Variants in SCN2A observed in about 807,000 individuals in gnomAD.
SCN2A encodes sodium channel protein type 2 subunit alpha.
In SCN2A, 20 loss-of-function variants were observed where a neutral mutation model predicts 188.7. That is an observed-to-expected ratio of 0.11 (90% CI 0.07 to 0.15). The LOEUF (loss-of-function observed/expected upper bound fraction) is 0.15, where lower values mean the gene tolerates loss of function less well. Among genes scored for constraint, SCN2A ranks in the 10% least tolerant of loss-of-function variants. SCN2A has a pLI of 1.00. For missense variants in SCN2A, 1,278 were observed against 2,445.0 expected, an observed-to-expected ratio of 0.52 and a Z score of 10.07; for synonymous variants, 804 against 833.1, an observed-to-expected ratio of 0.97 and a Z score of 0.60.
chr2:165,291,035 CTTTTTTTTTTTT>C (rs55979694), intron 1 of SCN2A, among the ~76,000 whole-genome samples: 1 of 79,970 alleles, frequency 1.3e-5, no homozygotes, highest in East Asian at 4.5e-4. Context: ...TCTTTTCTTT[CTTTTTTTTTTTT>C]TTTTTTTTTT....
chr2:165,372,590 G>T (rs936775373), intron 20 of SCN2A: 2 of 151,968 alleles, frequency 1.3e-5, no homozygotes, highest in African/African-American at 4.8e-5. Flanking sequence ...TTAGTCAACT[G>T]TATGAATAAC....
At chr2:165,254,227 T>C (rs995611093) in intron 1 of SCN2A, among the ~76,000 whole-genome samples, 1 of 151,762 alleles carries the variant, frequency 6.6e-6, no homozygotes, top group Non-Finnish European at 1.5e-5. Flanking sequence ...TATTCTGTTT[T>C]GGCCCATTAA....
At chr2:165,287,057 G>A (rs1465005544) in intron 1 of SCN2A, among the ~76,000 whole-genome samples, 3 of 152,170 alleles carry the variant, frequency 2.0e-5, no homozygotes, top group Non-Finnish European at 4.4e-5. Flanking sequence ...GTTTAAGGTA[G>A]AGGGAGAGAC....
chr2:165,299,986 A>G (rs1161817442), intron 3 of SCN2A, among the ~76,000 whole-genome samples: 2 of 152,206 alleles, frequency 1.3e-5, no homozygotes, highest in African/African-American at 4.8e-5. Flanking sequence ...TAGCTTTTTT[A>G]AAAATTTATT....
chr2:165,325,749 T>C (rs1039633582), intron 12 of SCN2A, among the ~76,000 whole-genome samples: 1 of 152,160 alleles, frequency 6.6e-6, no homozygotes, highest in African/African-American at 2.4e-5. Flanking sequence ...TTCTTACTAA[T>C]TTTACTTGTT....
intron 1 of SCN2A, among the ~76,000 whole-genome samples, chr2:165,258,187 AT>A (rs2106081177): frequency 6.6e-6 from 1 of 152,122 alleles, no homozygotes; most frequent in South Asian, 2.1e-4. Context: ...CTATTTGTCA[AT>A]TTTTAGTTTT....
intron 25 of SCN2A, among the ~76,000 whole-genome samples, chr2:165,386,189 G>A (rs751667443): frequency 8.6e-5 from 13 of 152,016 alleles, no homozygotes; most frequent in Non-Finnish European, 1.9e-4. Flanking sequence ...TTTGAGGCTG[G>A]GCATGGTGGC....
Position 165,315,626 on chromosome 2 carries a change from G to T in SCN2A, c.1539G>T (p.Gln513His). ...NRRKKKKQKE[Q>H]SGEEEKNDRV... ...GAAAGAAAAAGAAACAGAAAGAACA[G>T]TCTGGAGAAGAAGAGAAAAATGACA... is the stretch of plus-strand genomic sequence containing the variant. Residue 513 changes from glutamine (Q) to histidine (H), a missense_variant, in exon 11 of 27, where the codon CAG becomes CAT. Coordinates refer to ENST00000375437, the MANE Select transcript of SCN2A (RefSeq NM_001040142.2). 6.2e-7 allele frequency: 1 copy of T among 1,614,000 alleles called. No homozygotes were observed. The highest frequency in any genetic ancestry group is 8.5e-7 in the Non-Finnish European group (1 of 1,179,954).
intron 20 of SCN2A, chr2:165,372,986 A>G: frequency 2.6e-6 from 1 of 391,866 alleles, no homozygotes; most frequent in Non-Finnish European, 4.7e-6. Context: ...TCTTTTTTAT[A>G]AGTGTTCGCA....
Position 165,310,362 on chromosome 2 carries a change from A to G in SCN2A, c.737A>G (p.Lys246Arg), listed in dbSNP as rs746181150. 10 of 1,613,636 alleles carry G rather than the reference A, an allele frequency of 6.2e-6. No individual in the cohort carries two copies. The highest frequency in any genetic ancestry group is 8.5e-6 in the Non-Finnish European group (10 of 1,179,626). ...TIVGALIQSV[K>R]KLSDVMILTV... ...GTGGGGGCCCTGATCCAGTCAGTGA[A>G]GAAGCTTTCTGATGTCATGATCTTG... The change falls in exon 7 of 27, where the codon AAG (lysine) becomes AGG (arginine). Residue 246 changes from lysine (K) to arginine (R), a missense_variant. Transcript: ENST00000375437.
intron 1 of SCN2A, among the ~76,000 whole-genome samples, chr2:165,249,993 G>A (rs1009458983): frequency 6.6e-6 from 1 of 151,764 alleles, no homozygotes; most frequent in East Asian, 1.9e-4. Context: ...TAACTCAAAC[G>A]TCACTTCCTT....
At chr2:165,295,463 C>T (rs1477515189) in intron 1 of SCN2A, among the ~76,000 whole-genome samples, 1 of 152,190 alleles carries the variant, frequency 6.6e-6, no homozygotes, top group Non-Finnish European at 1.5e-5. Flanking sequence ...AAACAGCAGG[C>T]ACAAACCAGT....
In SCN2A at chr2:165,309,342, C is replaced by T; in HGVS notation, c.606-10C>T. 1.2e-6 allele frequency: 2 copies of T among 1,613,574 alleles called. No homozygotes were observed. The highest frequency in any genetic ancestry group is 1.3e-5 in the African/African-American group (1 of 74,960). On this transcript the variant is annotated splice_polypyrimidine_tract_variant and intron_variant, in intron 5 of 26. Coordinates refer to ENST00000375437, the MANE Select transcript of SCN2A (RefSeq NM_001040142.2). ...TGTCATTGTGTTTGTGTGTGAACCC[C>T]CTATTACAGATATGTGACAGAGTTT...
chr2:165,343,480 A>G (rs183089849), intron 15 of SCN2A, among the ~76,000 whole-genome samples: 1 of 152,326 alleles, frequency 6.6e-6, no homozygotes, highest in African/African-American at 2.4e-5. Context: ...AGTGTGATGC[A>G]GTTAAGGGAA....
intron 1 of SCN2A, among the ~76,000 whole-genome samples, chr2:165,277,859 C>A (rs1334021012): frequency 6.6e-6 from 1 of 152,164 alleles, no homozygotes; most frequent in East Asian, 1.9e-4. Context: ...TATTTGAAAT[C>A]TTCTGTTATT....
intron 8 of SCN2A, 27 bp downstream of exon 8, chr2:165,312,115 A>G (rs759187531): frequency 2.1e-5 from 33 of 1,564,726 alleles, no homozygotes; most frequent in Non-Finnish European, 2.7e-5. Context: ...ACTGAGTTTC[A>G]GTCCACACTG....
Position 165,392,040 on chromosome 2 carries a change from GT to G in SCN2A, c.*2221del, listed in dbSNP as rs1702140470. 6.6e-6 allele frequency: 1 copy of G among 152,430 alleles called. No homozygotes were observed. Among genetic ancestry groups the G allele is most frequent in the Non-Finnish European group, 1.5e-5 (1 of 67,938 alleles). 9.4% of individuals were successfully genotyped at this position (152,430 alleles called of 1,614,324 possible). A position where few individuals can be genotyped will look rare whatever the true frequency, so the allele number is the denominator to read the frequency against. On this transcript the variant is annotated 3_prime_UTR_variant, in exon 27 of 27. Coordinates refer to ENST00000375437, the MANE Select transcript of SCN2A (RefSeq NM_001040142.2). ...CCAAAAGAATAAAGGTTTCGCTTTT[GT>G]TTTTGTATTTAATTGTTGTCTTTGT...
At chr2:165,283,394 G>T (rs776539153) in intron 1 of SCN2A, among the ~76,000 whole-genome samples, 6 of 152,122 alleles carry the variant, frequency 3.9e-5, no homozygotes, top group Non-Finnish European at 7.4e-5. Context: ...CACAAGAATG[G>T]TTAACTCATC....
rs576231154 is a variant in SCN2A, at chr2:165,336,242, A to G, written c.2388+4674A>G. 7.2e-5 allele frequency among the ~76,000 whole-genome samples: 11 copies of G among 152,060 alleles called. No individual in the cohort carries two copies. In the South Asian group the frequency reaches 2.1e-3, roughly 29 times the overall value. ...TACCACATGACCTGGCAGTTTTACT[A>G]ATTTCTTCGGATATATATATCTAAG... is the stretch of plus-strand genomic sequence containing the variant. On this transcript the variant is annotated intron_variant, in intron 14 of 26. Transcript: ENST00000375437.
Sources: gnomAD v4.1 joint callset for allele counts (sites outside exome capture counted in the v4.1 genomes callset) on GRCh38, gnomAD v4.1.1 for gene constraint, MANE v1.5 for transcripts, NCBI Gene and HGNC (gene_info 2026-07-23, HGNC 2026-07-21) for gene names.